The following TBC1D22B variants were observed in gnomAD, a reference collection of about 807,000 sequenced individuals.
The protein encoded by TBC1D22B is chromosome 6 open reading frame 197.
In TBC1D22B, 32 loss-of-function variants were observed where a neutral mutation model predicts 69.1. That is an observed-to-expected ratio of 0.46 (90% CI 0.35 to 0.62). The LOEUF (loss-of-function observed/expected upper bound fraction) is 0.62, where lower values mean the gene tolerates loss of function less well. TBC1D22B is among the 20% of genes least tolerant of loss of function. The probability of loss-of-function intolerance (pLI) is 0.00; values close to 1 mark genes in which losing one functional copy is unlikely to be tolerated. For synonymous variants in TBC1D22B, 206 were observed against 229.8 expected (o/e 0.90, Z 0.94); for missense variants, 462 against 630.9 (o/e 0.73, Z 2.87).
intron 8 of TBC1D22B, among the ~76,000 whole-genome samples, chr6:37,300,873 G>T (rs80308332): frequency 6.6e-6 from 1 of 151,966 alleles, no homozygotes; most frequent in Non-Finnish European, 1.5e-5. Context: ...ATACAGTATC[G>T]TAAGCTGTGG....
At chr6:37,318,001 G>A (rs1379145014) in intron 12 of TBC1D22B, among the ~76,000 whole-genome samples, 1 of 152,180 alleles carries the variant, frequency 6.6e-6, no homozygotes, top group Non-Finnish European at 1.5e-5. Flanking sequence ...TGTAGCCACT[G>A]TAAGAACTTT....
At position 37,313,891 on chromosome 6, in the gene TBC1D22B, G is replaced by A. The variant is rs1768001120; in HGVS notation, c.1165G>A (p.Glu389Lys). Residue 389 changes from glutamate (E) to lysine (K), a missense_variant and splice_region_variant, in exon 10 of 13, where the codon GAG becomes AAG. Physicochemically the swap from Glu to Lys is moderately conservative, Grantham distance 56. Transcript: ENST00000373491. ...ALEELVSRID[E>K]QVHNHFRRYE... ...GGAAGAGCTTGTCAGCCGGATTGATGGTAGGTTCAGAGGGAGAAGAGTTCT... is the reference window on the plus strand; with the variant it reads ...GGAAGAGCTTGTCAGCCGGATTGATAGTAGGTTCAGAGGGAGAAGAGTTCT... 6.2e-7 allele frequency: 1 copy of A among 1,614,030 alleles called. No homozygotes were observed. The highest frequency in any genetic ancestry group is 8.5e-7 in the Non-Finnish European group (1 of 1,179,898).
chr6:37,318,948 A>G (rs1479016869), intron 12 of TBC1D22B, among the ~76,000 whole-genome samples: 1 of 152,020 alleles, frequency 6.6e-6, no homozygotes, highest in Non-Finnish European at 1.5e-5. Context: ...AAGCAGGGGG[A>G]AAAGCCAGAG....
chr6:37,261,994 T>C (rs1183858587), intron 1 of TBC1D22B, among the ~76,000 whole-genome samples: 1 of 104,390 alleles, frequency 9.6e-6, no homozygotes, highest in African/African-American at 4.1e-5. Context: ...TGTGTGTGTG[T>C]GTCTAGAGCT....
intron 5 of TBC1D22B, 44 bp downstream of exon 5, chr6:37,282,996 CCCTTCTTG>C: frequency 6.4e-7 from 1 of 1,555,240 alleles, no homozygotes; most frequent in Non-Finnish European, 8.9e-7. Context: ...CCTCACACAG[CCCTTCTTG>C]CCTGATGAGG....
chr6:37,284,683 G>C (rs1766949266), intron 6 of TBC1D22B, among the ~76,000 whole-genome samples: 1 of 152,196 alleles, frequency 6.6e-6, no homozygotes, highest in Non-Finnish European at 1.5e-5. Context: ...TCAGTGCACT[G>C]CTTCTCAAAC....
Position 37,279,377 on chromosome 6 carries a change from G to A in TBC1D22B, c.187G>A (p.Ala63Thr). Residue 63 changes from alanine (A) to threonine (T), a missense_variant, in exon 3 of 13, where the codon GCA becomes ACA. By Grantham distance (58) the Ala-to-Thr change is moderately conservative (BLOSUM62 0). Around this residue, in one of 2 missense-constraint regions of TBC1D22B, gnomAD observed 237 missense variants for 255.4 expected, o/e 0.93. Coordinates refer to ENST00000373491, the MANE Select transcript of TBC1D22B (RefSeq NM_017772.4). The part of the protein sequence containing the change: ...NKKASSFHEF[A>T]RNTSDAWDIG... ...GAAGGCCTCCAGTTTTCATGAGTTT[G>A]CACGGAATACCAGTGATGCTTGGGA... The A allele has an allele frequency of 6.2e-7, 1 of 1,614,208 alleles. No individual in the cohort carries two copies. The highest frequency in any genetic ancestry group is 8.5e-7 in the Non-Finnish European group (1 of 1,180,028).
rs144725354 is a variant in TBC1D22B at position 37,323,604 on chromosome 6, G to T, written c.1389+6398G>T. On this transcript the variant is annotated intron_variant, in intron 12 of 12. Transcript: ENST00000373491. ...GTTTCTTTTGTAGGAGACAGGTCAG[G>T]GTTATTAAATAGTGCTAAGCCCATG... Among the ~76,000 whole-genome samples the T allele has an allele frequency of 3.0e-3, 457 of 152,268 alleles. 5 individuals carry two copies. The highest frequency in any genetic ancestry group is 0.011 in the African/African-American group (440 of 41,538).
At chr6:37,258,135 A>G in intron 1 of TBC1D22B, 162 bp downstream of exon 1, 1 of 785,484 alleles carries the variant, frequency 1.3e-6, no homozygotes, top group South Asian at 2.0e-5. Context: ...AGCGAAGCGA[A>G]CAGCGAGCTT....
intron 2 of TBC1D22B, among the ~76,000 whole-genome samples, chr6:37,272,638 T>C (rs570701469): frequency 6.6e-6 from 1 of 152,340 alleles, no homozygotes; most frequent in South Asian, 2.1e-4. Flanking sequence ...TCAGCCTGCC[T>C]TGGCCTCCCA....
intron 2 of TBC1D22B, among the ~76,000 whole-genome samples, chr6:37,275,523 C>T (rs914622998): frequency 2.0e-5 from 3 of 152,162 alleles, no homozygotes; most frequent in Non-Finnish European, 4.4e-5. Flanking sequence ...TAGTTAGTAG[C>T]ACATGCTGGC....
In TBC1D22B at chr6:37,317,207, G is replaced by A; in HGVS notation, c.1389+1G>A. ...GATCTTGGATGAGGAGGATTTTCAG[G>A]TGAGTGGCCAAGAGCTTAGTGTGGG... On this transcript the variant is annotated splice_donor_variant, in intron 12 of 12. Coordinates refer to ENST00000373491, the MANE Select transcript of TBC1D22B (RefSeq NM_017772.4). LOFTEE classifies it high-confidence loss of function. 6.4e-7 allele frequency: 1 copy of A among 1,563,506 alleles called. No homozygotes were observed. The highest frequency in any genetic ancestry group is 1.2e-5 in the South Asian group (1 of 84,960).
At position 37,282,831 on chromosome 6, in the gene TBC1D22B, T is replaced by C. The variant is rs1303525080; in HGVS notation, c.602-51T>C. 5.0e-6 allele frequency: 8 copies of C among 1,590,026 alleles called. No homozygotes were observed. The African/African-American group carries it at 9.4e-5, about 19-fold the overall frequency. ...TCAGGCAGTGCTGGTTGCGGTTTGC[T>C]TTAGAGCATTTGTGGAGAGTTAACC... On this transcript the variant is annotated intron_variant, in intron 4 of 12. Coordinates refer to ENST00000373491, the MANE Select transcript of TBC1D22B (RefSeq NM_017772.4).
intron 1 of TBC1D22B, among the ~76,000 whole-genome samples, chr6:37,265,532 GTT>G (rs34418459): frequency 9.7e-4 from 140 of 143,894 alleles, no homozygotes; most frequent in African/African-American, 3.2e-3. Flanking sequence ...AGCCCTTTGG[GTT>G]TTTTTTTTTT....
chr6:37,330,358 C>T (rs1163599777), intron 12 of TBC1D22B, among the ~76,000 whole-genome samples: 1 of 150,660 alleles, frequency 6.6e-6, no homozygotes, highest in East Asian at 2.0e-4. Flanking sequence ...CCTGCCTCAG[C>T]CTCCCAAGTA....
intron 2 of TBC1D22B, among the ~76,000 whole-genome samples, chr6:37,272,317 G>A (rs1246025411): frequency 2.0e-5 from 3 of 151,298 alleles, no homozygotes; most frequent in South Asian, 2.1e-4. Context: ...TGCCTGCCTC[G>A]GCCTCCCAAA....
At chr6:37,309,030 G>A (rs1031247040) in intron 8 of TBC1D22B, among the ~76,000 whole-genome samples, 8 of 151,874 alleles carry the variant, frequency 5.3e-5, no homozygotes, top group Admixed American at 4.6e-4. Flanking sequence ...AATTATGCCA[G>A]CTAACTTTTA....
chr6:37,312,255 C>T (rs568704998), intron 8 of TBC1D22B, among the ~76,000 whole-genome samples: 1 of 152,328 alleles, frequency 6.6e-6, no homozygotes, highest in South Asian at 2.1e-4. Flanking sequence ...CAACATTTCT[C>T]AACCATATTT....
intron 12 of TBC1D22B, among the ~76,000 whole-genome samples, chr6:37,318,284 G>A (rs975907080): frequency 2.9e-4 from 44 of 152,168 alleles, no homozygotes; most frequent in African/African-American, 9.9e-4. Flanking sequence ...GATGAATTGG[G>A]TGTAGAGTAC....
Sources: allele counts gnomAD v4.1 joint callset (sites outside exome capture counted in the v4.1 genomes callset), GRCh38; gene constraint gnomAD v4.1.1; regional missense constraint gnomAD v4.1.1; transcripts MANE v1.5; gene names NCBI Gene and HGNC (gene_info 2026-07-23, HGNC 2026-07-21).